EPHB1: variants seen among roughly 807,000 people sequenced by gnomAD.
The protein encoded by EPHB1 is EPH receptor B1, also known as ephrin type-B receptor 1.
A neutral mutation model predicts 94.4 loss-of-function variants in EPHB1; 30 were observed. The ratio of observed to expected loss-of-function variants is 0.32; its 90% CI spans 0.24 to 0.43. EPHB1 has a LOEUF of 0.43. Among genes scored for constraint, EPHB1 ranks in the 20% least tolerant of loss-of-function variants. The pLI is 1.00. For synonymous variants in EPHB1, 522 were observed against 489.1 expected, an observed-to-expected ratio of 1.07 and a Z score of -0.89; for missense variants, 1,055 against 1,308.3, an observed-to-expected ratio of 0.81 and a Z score of 2.99.
chr3:135,166,926 C>T lies in EPHB1; in HGVS notation c.1695-16C>T. 1 of 1,613,902 alleles carries T rather than the reference C, an allele frequency of 6.2e-7. No individual in the cohort carries two copies. The highest frequency in any genetic ancestry group is 8.5e-7 in the Non-Finnish European group (1 of 1,179,864). On this transcript the variant is annotated splice_polypyrimidine_tract_variant and intron_variant, in intron 8 of 15. Coordinates refer to ENST00000398015, the MANE Select transcript of EPHB1 (RefSeq NM_004441.5). ...GTGTGCCCTGTGGCTGAGAGAGCCC[C>T]TCTTTTTATCCACAGGAAACGGGCT... is the stretch of plus-strand genomic sequence containing the variant.
chr3:135,157,145 A>G (rs1333206024), intron 6 of EPHB1, among the ~76,000 whole-genome samples: 1 of 152,248 alleles, frequency 6.6e-6, no homozygotes, highest in Non-Finnish European at 1.5e-5. Context: ...AACCTTGTCC[A>G]GAGTCCCACA....
intron 12 of EPHB1, among the ~76,000 whole-genome samples, chr3:135,237,885 T>C (rs1943693216): frequency 6.6e-6 from 1 of 152,202 alleles, no homozygotes; most frequent in Non-Finnish European, 1.5e-5. Context: ...TCCAAGCTCC[T>C]CATGCAGCAG....
intron 3 of EPHB1, among the ~76,000 whole-genome samples, chr3:135,094,680 T>C (rs766249762): frequency 1.3e-5 from 2 of 152,214 alleles, no homozygotes; most frequent in Non-Finnish European, 2.9e-5. Flanking sequence ...CTGCTTTCCC[T>C]CTTCTCTGCT....
At chr3:135,148,245 G>T (rs1007769068) in intron 5 of EPHB1, among the ~76,000 whole-genome samples, 4 of 152,148 alleles carry the variant, frequency 2.6e-5, no homozygotes, top group African/African-American at 9.7e-5. Flanking sequence ...ATCAGATAAG[G>T]AAAACAAAAT....
In EPHB1 at chr3:135,048,952, T is replaced by C. The variant is rs542904521; in HGVS notation, c.806-57496T>C. ...TGTGAGGATCTGTAGAGCTGGGAGT[T>C]CTAGCCCCTGTGGATGCTTCCTTAC... is the stretch of plus-strand genomic sequence containing the variant. On this transcript the variant is annotated intron_variant, in intron 3 of 15. Transcript: ENST00000398015. Among the ~76,000 whole-genome samples the C allele has an allele frequency of 6.6e-5, 10 of 152,326 alleles. No homozygotes were observed. The South Asian group carries it at 2.1e-3, about 32-fold the overall frequency.
At chr3:135,056,020 C>T (rs576030087) in intron 3 of EPHB1, among the ~76,000 whole-genome samples, 3 of 152,316 alleles carry the variant, frequency 2.0e-5, no homozygotes, top group Admixed American at 6.5e-5. Context: ...TCCCTGACTT[C>T]CTCCATCTTA....
intron 3 of EPHB1, among the ~76,000 whole-genome samples, chr3:135,034,386 G>A (rs995411924): frequency 6.6e-6 from 1 of 152,168 alleles, no homozygotes; most frequent in African/African-American, 2.4e-5. Context: ...AGTACAGCTG[G>A]GTCTGCCTTG....
intron 3 of EPHB1, among the ~76,000 whole-genome samples, chr3:135,020,262 A>G (rs1935943487): frequency 6.6e-6 from 1 of 152,186 alleles, no homozygotes; most frequent in African/African-American, 2.4e-5. Context: ...AGCTGTGTTG[A>G]GATATAATTC....
chr3:134,963,791 G>C (rs936323), intron 3 of EPHB1, among the ~76,000 whole-genome samples: 1 of 151,988 alleles, frequency 6.6e-6, no homozygotes, highest in Non-Finnish European at 1.5e-5. Flanking sequence ...TCAGCATTCC[G>C]TTTGGACTAA....
At chr3:135,122,117 T>G (rs931717584) in intron 4 of EPHB1, among the ~76,000 whole-genome samples, 1 of 152,172 alleles carries the variant, frequency 6.6e-6, no homozygotes, top group Non-Finnish European at 1.5e-5. Flanking sequence ...TTGCAGACCT[T>G]CAGCTTCTCA....
Position 135,179,960 on chromosome 3 carries a change from A to G in EPHB1, c.1860A>G (p.Lys620=). 1 of 1,613,870 alleles carries G rather than the reference A, an allele frequency of 6.2e-7. No homozygotes were observed. The highest frequency in any genetic ancestry group is 8.5e-7 in the Non-Finnish European group (1 of 1,179,812). Reference sequence around the variant, plus strand: ...AGGAGATTGATGTATCTTTTGTGAAAATTGAAGAGGTCATCGGAGCAGGTA... The same window carrying G: ...AGGAGATTGATGTATCTTTTGTGAAGATTGAAGAGGTCATCGGAGCAGGTA... The part of the protein sequence containing the change: ...FAKEIDVSFV[K]IEEVIGAGEF... The change falls in exon 10 of 16, where the codon AAA becomes AAG. Residue 620 remains lysine, a synonymous_variant. Coordinates refer to ENST00000398015, the MANE Select transcript of EPHB1 (RefSeq NM_004441.5).
chr3:134,833,412 C>A (rs1341674265), intron 1 of EPHB1, among the ~76,000 whole-genome samples: 1 of 152,178 alleles, frequency 6.6e-6, no homozygotes, highest in Non-Finnish European at 1.5e-5. Flanking sequence ...ACTTGGAACA[C>A]AATTTTCCCA....
At chr3:134,963,749 C>G (rs1239564353) in intron 3 of EPHB1, among the ~76,000 whole-genome samples, 1 of 152,094 alleles carries the variant, frequency 6.6e-6, no homozygotes, top group Non-Finnish European at 1.5e-5. Flanking sequence ...TAAAGAAGAG[C>G]CAAGATTTGT....
At chr3:134,854,574 T>C (rs1434508987) in intron 1 of EPHB1, among the ~76,000 whole-genome samples, 1 of 152,124 alleles carries the variant, frequency 6.6e-6, no homozygotes, top group Non-Finnish European at 1.5e-5. Flanking sequence ...GTCCTCTCCA[T>C]GGGGCCCCAT....
Position 135,259,181 on chromosome 3 carries a change from G to T in EPHB1, c.*61G>T. On this transcript the variant is annotated 3_prime_UTR_variant, in exon 16 of 16. Transcript: ENST00000398015. ...AGGACCAGGGTCAAGGGGGACCAGA[G>T]GTTGACCACTGTGGAATGTACTGGA... 7.6e-7 allele frequency: 1 copy of T among 1,313,686 alleles called. No individual in the cohort carries two copies. The highest frequency in any genetic ancestry group is 1.1e-6 in the Non-Finnish European group (1 of 929,862). 81.4% of individuals were successfully genotyped at this position (1,313,686 alleles called of 1,614,324 possible).
chr3:135,236,726 A>G (rs1005016414), intron 12 of EPHB1, among the ~76,000 whole-genome samples: 4 of 152,252 alleles, frequency 2.6e-5, no homozygotes, highest in African/African-American at 9.6e-5. Context: ...GAACAAGTCC[A>G]TGAACACAAT....
intron 4 of EPHB1, 89 bp from the exon 5 acceptor site, chr3:135,132,625 G>T (rs781530977): frequency 3.3e-6 from 4 of 1,204,430 alleles, no homozygotes; most frequent in Non-Finnish European, 4.6e-6. Context: ...GCACTGATGA[G>T]GTTGGGAATG....
At chr3:135,013,954 T>G (rs975875665) in intron 3 of EPHB1, among the ~76,000 whole-genome samples, 1 of 152,142 alleles carries the variant, frequency 6.6e-6, no homozygotes, top group Non-Finnish European at 1.5e-5. Context: ...ATGGTGGTGG[T>G]GGAAACACTA....
chr3:134,882,761 CCTTCCTTT>C (rs1305734803), intron 1 of EPHB1, among the ~76,000 whole-genome samples: 9 of 31,262 alleles, frequency 2.9e-4, no homozygotes, highest in African/African-American at 6.2e-4. Flanking sequence ...TTTCTTCCTT[CCTTCCTTT>C]CTTTCTTTCT....
Sources: gnomAD v4.1 joint callset for allele counts (sites outside exome capture counted in the v4.1 genomes callset) on GRCh38, gnomAD v4.1.1 for gene constraint, MANE v1.5 for transcripts, NCBI Gene and HGNC (gene_info 2026-07-23, HGNC 2026-07-21) for gene names.